The following U2SURP variants were observed in gnomAD, a reference collection of about 807,000 sequenced individuals.
U2SURP encodes the protein U2 snRNP-associated SURP motif-containing protein.
In U2SURP, 9 loss-of-function variants were observed where a neutral mutation model predicts 144.9. The ratio of observed to expected loss-of-function variants is 0.06; its 90% CI spans 0.04 to 0.11. The LOEUF is 0.11. Ranked by LOEUF, U2SURP falls within the 10% of genes least tolerant of loss-of-function variation. The pLI is 1.00. For missense variants in U2SURP, 724 were observed against 1,226.7 expected (o/e 0.59, Z 6.12); for synonymous variants, 408 against 396.8 (o/e 1.03, Z -0.33).
At chr3:143,035,078 T>G (rs1176027375) in intron 19 of U2SURP, 103 bp downstream of exon 19, 4 of 560,572 alleles carry the variant, frequency 7.1e-6, no homozygotes, top group Non-Finnish European at 1.2e-5. Flanking sequence ...AGACATAAAT[T>G]TAAAACTTAG....
chr3:143,046,913 C>T (rs1934502214), intron 24 of U2SURP, among the ~76,000 whole-genome samples: 1 of 117,406 alleles, frequency 8.5e-6, no homozygotes, highest in African/African-American at 3.8e-5. Flanking sequence ...AGGCGCCGCT[C>T]ACCTCCCGGA....
At chr3:143,016,140 G>A (rs1469282573) in intron 4 of U2SURP, 117 bp from the exon 5 acceptor site, 1 of 744,622 alleles carries the variant, frequency 1.3e-6, no homozygotes, top group Admixed American at 2.5e-5. Context: ...TTACTTGTTA[G>A]GACTGCTTAA....
At chr3:143,031,215 CTAGAAT>C (rs1933462630) in intron 16 of U2SURP, among the ~76,000 whole-genome samples, 1 of 152,096 alleles carries the variant, frequency 6.6e-6, no homozygotes, top group Non-Finnish European at 1.5e-5. Flanking sequence ...ATGAAAGGAT[CTAGAAT>C]ATATATAAAG....
rs1391018340 is a variant in U2SURP, at chr3:143,016,727, A to C, written c.437-115A>C. On this transcript the variant is annotated intron_variant, in intron 5 of 27. Transcript: ENST00000473835. ...TTTGAATTTAATTTCATATTTGTTAATAGTGATACATCTTAATACTAAAAG... is the reference window on the plus strand; with the variant it reads ...TTTGAATTTAATTTCATATTTGTTACTAGTGATACATCTTAATACTAAAAG... The C allele has an allele frequency of 8.0e-6, 7 of 876,688 alleles. No homozygotes were observed. The South Asian group carries it at 9.2e-5, about 12-fold the overall frequency. 54.3% of individuals were successfully genotyped at this position (876,688 alleles called of 1,614,324 possible).
rs1320577759 is a variant in U2SURP, at chr3:143,038,044, A to G, written c.2222-64A>G. The G allele has an allele frequency of 1.9e-5, 22 of 1,172,698 alleles. No individual in the cohort carries two copies. In the East Asian group the frequency reaches 2.8e-4, roughly 15 times the overall value. The allele number at this position is 1,172,698 out of a possible 1,614,324, so 72.6% of individuals were successfully genotyped here. A position where few individuals can be genotyped will look rare whatever the true frequency, so the allele number is the denominator to read the frequency against. The stretch of plus-strand genomic sequence containing the variant: ...CTTTTTAATAATATGGTGAATACCC[A>G]TGAATGTAATACTTCGGGTCATCCA... On this transcript the variant is annotated intron_variant, in intron 21 of 27. Transcript: ENST00000473835.
intron 24 of U2SURP, among the ~76,000 whole-genome samples, chr3:143,049,093 T>TA (rs368050643): frequency 0.15 from 18,712 of 126,900 alleles, 1,433 homozygotes; most frequent in East Asian, 0.33. Context: ...TGTCTCTGCT[T>TA]AAAAAAAAAA....
At chr3:143,046,266 C>CTTT (rs1256140654) in intron 24 of U2SURP, among the ~76,000 whole-genome samples, 9 of 67,204 alleles carry the variant, frequency 1.3e-4, no homozygotes, top group South Asian at 4.9e-4. Flanking sequence ...GAAGCCAGTT[C>CTTT]TTTTTTTTTT....
intron 26 of U2SURP, among the ~76,000 whole-genome samples, chr3:143,054,396 G>A (rs1041047098): frequency 9.9e-5 from 15 of 152,156 alleles, no homozygotes; most frequent in African/African-American, 3.4e-4. Context: ...GCTACAGATA[G>A]TTACAAATAA....
chr3:143,030,895 T>TA (rs1045382659), intron 16 of U2SURP, among the ~76,000 whole-genome samples: 10 of 152,262 alleles, frequency 6.6e-5, no homozygotes, highest in Admixed American at 4.6e-4. Context: ...AAAAGAAATT[T>TA]AAAAAAATCT....
rs1170393816 is a variant in U2SURP at position 143,060,173 on chromosome 3, CTCA to C, written c.*3728_*3730del. 2 of 152,400 alleles carry C rather than the reference CTCA, an allele frequency of 1.3e-5. No homozygotes were observed. The highest frequency in any genetic ancestry group is 2.4e-5 in the African/African-American group (1 of 41,426). 9.4% of individuals were successfully genotyped at this position (152,400 alleles called of 1,614,324 possible). On this transcript the variant is annotated 3_prime_UTR_variant, in exon 28 of 28. Transcript: ENST00000473835. ...TTTTGTAGATTGTAGATTAAATGCA[CTCA>C]TCATGTCACATGTAATTGTGCTTGG...
At chr3:143,027,792 A>G (rs1227274070) in intron 14 of U2SURP, among the ~76,000 whole-genome samples, 1 of 152,206 alleles carries the variant, frequency 6.6e-6, no homozygotes, top group Non-Finnish European at 1.5e-5. Context: ...TTTAGTAATC[A>G]GAGTAGAATG....
intron 3 of U2SURP, 77 bp from the exon 4 acceptor site, chr3:143,014,234 A>T: frequency 1.1e-6 from 1 of 892,994 alleles, no homozygotes; most frequent in Non-Finnish European, 1.6e-6. Context: ...CTGAAGACTT[A>T]GTTATCAGTT....
chr3:143,004,058 C>G (rs1279522681), intron 1 of U2SURP, among the ~76,000 whole-genome samples: 1 of 152,136 alleles, frequency 6.6e-6, no homozygotes, highest in Non-Finnish European at 1.5e-5. Context: ...TTGGCTAATA[C>G]TACAGTATTT....
intron 18 of U2SURP, among the ~76,000 whole-genome samples, chr3:143,033,944 A>C: frequency 6.6e-6 from 1 of 152,342 alleles, no homozygotes; most frequent in South Asian, 2.1e-4. Flanking sequence ...ATATCTAGCT[A>C]TTCATATAAT....
rs76330659 is a variant in U2SURP at position 143,048,943 on chromosome 3, G to A, written c.2545-1996G>A. On this transcript the variant is annotated intron_variant, in intron 24 of 27. Coordinates refer to ENST00000473835, the MANE Select transcript of U2SURP (RefSeq NM_001080415.2). Reference sequence around the variant, plus strand: ...TGGAGAACGTATAAGAAACATTCATGAAGTCAAAAATAGTGAAAATGCCAC... The same window carrying A: ...TGGAGAACGTATAAGAAACATTCATAAAGTCAAAAATAGTGAAAATGCCAC... 3.0e-3 allele frequency among the ~76,000 whole-genome samples: 462 copies of A among 152,066 alleles called. 6 individuals carry two copies. Among genetic ancestry groups the A allele is most frequent in the African/African-American group, 0.011 (439 of 41,478 alleles).
Position 143,050,952 on chromosome 3 carries a change from A to T in U2SURP, c.2558A>T (p.Lys853Met), listed in dbSNP as rs1367953128. Residue 853 changes from lysine to methionine, a missense_variant, in exon 25 of 28, where the codon AAG becomes ATG. By Grantham distance (95) the Lys-to-Met change is moderately conservative. Coordinates refer to ENST00000473835, the MANE Select transcript of U2SURP (RefSeq NM_001080415.2). ...TTTATTTCACAGCTCAAAGTTATGA[A>T]GTTTCAGGATGAATTGGAATCTGGG... ...KLREIELKVM[K>M]FQDELESGKR... 1 of 1,608,952 alleles carries T rather than the reference A, an allele frequency of 6.2e-7. No homozygotes were observed. Among genetic ancestry groups the T allele is most frequent in the Non-Finnish European group, 8.5e-7 (1 of 1,177,178 alleles).
chr3:143,010,961 G>T (rs1578114470), intron 2 of U2SURP, 102 bp downstream of exon 2: 2 of 829,188 alleles, frequency 2.4e-6, no homozygotes, highest in East Asian at 2.9e-5. Flanking sequence ...AAATACAATT[G>T]TATGTGCTTT....
chr3:143,009,683 A>C (rs1401990008), intron 1 of U2SURP, among the ~76,000 whole-genome samples: 2 of 152,122 alleles, frequency 1.3e-5, no homozygotes, highest in Non-Finnish European at 2.9e-5. Flanking sequence ...ATTTTTGCCT[A>C]TGCTAATGCG....
chr3:143,016,822 C>G lies in U2SURP; in HGVS notation c.437-20C>G, dbSNP rs1936393795. ...AAATATTGCGAAATTAGTTTTGAAA[C>G]TTAGTATTTTAAATTTCAGAAGAAC... On this transcript the variant is annotated intron_variant, in intron 5 of 27. Coordinates refer to ENST00000473835, the MANE Select transcript of U2SURP (RefSeq NM_001080415.2). 6.7e-7 allele frequency: 1 copy of G among 1,497,206 alleles called. No individual in the cohort carries two copies. The allele number at this position is 1,497,206 out of a possible 1,614,324, so 92.7% of individuals were successfully genotyped here.
Sources: allele counts gnomAD v4.1 joint callset (sites outside exome capture counted in the v4.1 genomes callset), GRCh38; gene constraint gnomAD v4.1.1; transcripts MANE v1.5; gene names NCBI Gene and HGNC (gene_info 2026-07-23, HGNC 2026-07-21).